The following RAD54L variants were observed in gnomAD, a reference collection of about 807,000 sequenced individuals.
RAD54L encodes the protein DNA repair and recombination protein RAD54-like.
Under a neutral mutation model 91.6 loss-of-function variants are expected in RAD54L, and 74 were observed. That is an observed-to-expected ratio of 0.81 (90% CI 0.67 to 0.98). RAD54L has a LOEUF of 0.98. Ranked by LOEUF, RAD54L falls within the 50% of genes least tolerant of loss-of-function variation. The pLI is 0.00. For missense variants in RAD54L, 887 were observed against 945.7 expected, an observed-to-expected ratio of 0.94 and a Z score of 0.81; for synonymous variants, 304 against 349.7, an observed-to-expected ratio of 0.87 and a Z score of 1.46.
Position 46,248,016 on chromosome 1 carries a change from G to T in RAD54L, c.-390G>T, listed in dbSNP as rs1197398651. 1.1e-5 allele frequency: 4 copies of T among 352,316 alleles called. No individual in the cohort carries two copies. The highest frequency in any genetic ancestry group is 6.4e-5 in the African/African-American group (3 of 47,060). 21.8% of individuals were successfully genotyped at this position (352,316 alleles called of 1,614,324 possible). A position where few individuals can be genotyped will look rare whatever the true frequency, so the allele number is the denominator to read the frequency against. On this transcript the variant is annotated 5_prime_UTR_variant, in exon 1 of 18. Transcript: ENST00000371975. The stretch of plus-strand genomic sequence containing the variant: ...CACCCCAGCTTCTCTCTCCTGGCCA[G>T]TGATTACCCACCCCCAATCCCACCC...
At position 46,263,786 on chromosome 1, in the gene RAD54L, T is replaced by C. The variant is rs1421425106; in HGVS notation, c.891+2401T>C. Among the ~76,000 whole-genome samples, 1 of 152,048 alleles carries C rather than the reference T, an allele frequency of 6.6e-6. No homozygotes were observed. The highest frequency in any genetic ancestry group is 1.5e-5 in the Non-Finnish European group (1 of 67,992). On this transcript the variant is annotated intron_variant, in intron 8 of 17. Transcript: ENST00000371975. The surrounding 1 kb of genome is among the most constrained non-coding windows in gnomAD (Gnocchi z 4.3). ...GAGCCTTTGAGGATTAGGGAGCATC[T>C]AAATTTTTTTCTACTTTTTGTTTTT...
chr1:46,270,876 G>T lies in RAD54L; in HGVS notation c.1169+91G>T, dbSNP rs779684020. ...CTTTGCCTCTCTAGAGCCCTCAAAG[G>T]CTGGGATTCTAGGAAGGGAGTGGGT... On this transcript the variant is annotated intron_variant, in intron 10 of 17. Coordinates refer to ENST00000371975, the MANE Select transcript of RAD54L (RefSeq NM_003579.4). The T allele has an allele frequency of 1.7e-5, 26 of 1,564,556 alleles. No individual in the cohort carries two copies. The South Asian group carries it at 2.7e-4, about 16-fold the overall frequency.
At chr1:46,262,651 C>G (rs971328250) in intron 8 of RAD54L, among the ~76,000 whole-genome samples, 3 of 151,914 alleles carry the variant, frequency 2.0e-5, no homozygotes, top group Non-Finnish European at 2.9e-5. Flanking sequence ...GTCTTTGTCC[C>G]CTGCTTGTAA....
rs553063964 is a variant in RAD54L at position 46,272,774 on chromosome 1, C to G, written c.1347C>G (p.Ser449=). ...AGATGAGTGTGTCTTCCCTTTCTTC[C>G]ATCACCTCGCTAAAGAAGCTTTGTA... ...EGKMSVSSLS[S]ITSLKKLCNH... is the part of the protein sequence containing the mutation. The change falls in exon 12 of 18, where the codon TCC becomes TCG. Residue 449 remains serine (S), a synonymous_variant. Coordinates refer to ENST00000371975, the MANE Select transcript of RAD54L (RefSeq NM_003579.4). 1 of 1,614,178 alleles carries G rather than the reference C, an allele frequency of 6.2e-7. No homozygotes were observed. Among genetic ancestry groups the G allele is most frequent in the African/African-American group, 1.3e-5 (1 of 75,036 alleles).
chr1:46,266,022 C>T (rs4660918), intron 8 of RAD54L, among the ~76,000 whole-genome samples: 109,476 of 152,064 alleles, frequency 0.72, 39,685 homozygotes, highest in Middle Eastern at 0.81. Flanking sequence ...GCAGCCATTA[C>T]GTATATAGTG....
rs1458468946 is a variant in RAD54L, at chr1:46,273,676, T to G, written c.1539T>G (p.Ser513Arg). The G allele has an allele frequency of 1.9e-6, 3 of 1,614,036 alleles. 1 individual carries two copies. In the South Asian group the frequency reaches 3.3e-5, roughly 18 times the overall value. ...YILAVTRSRS[S>R]DKVVLVSNYT... ...TGGCGGTGACCCGAAGCCGTAGCAG[T>G]GACAAAGTAGTGCTGGTGTCGAATT... Residue 513 changes from serine to arginine, a missense_variant, in exon 14 of 18, where the codon AGT (serine) becomes AGG (arginine). Physicochemically the swap from Ser to Arg is moderately radical, Grantham distance 110. Transcript: ENST00000371975.
Position 46,277,894 on chromosome 1 carries a change from G to C in RAD54L, c.1947G>C (p.Glu649Asp). Residue 649 changes from glutamate (E) to aspartate (D), a missense_variant, in exon 17 of 18, where the codon GAG becomes GAC. Transcript: ENST00000371975. ...TGAGCAGCTGTGTGGTGGATGAGGA[G>C]CAGGATGTAGAGCGCCACTTCTCTC... Reference protein sequence around the residue: ...KALSSCVVDEEQDVERHFSLG... With the variant: ...KALSSCVVDEDQDVERHFSLG... 2 of 1,614,096 alleles carry C rather than the reference G, an allele frequency of 1.2e-6. No individual in the cohort carries two copies. Among genetic ancestry groups the C allele is most frequent in the Non-Finnish European group, 1.7e-6 (2 of 1,180,022 alleles).
intron 9 of RAD54L, among the ~76,000 whole-genome samples, chr1:46,268,936 T>C (rs1557705365): frequency 1.3e-5 from 2 of 152,170 alleles, no homozygotes; most frequent in African/African-American, 4.8e-5. Flanking sequence ...TGGCTAACTT[T>C]TAAATTTTTT....
intron 5 of RAD54L, 43 bp downstream of exon 5, chr1:46,260,142 T>C: frequency 6.2e-7 from 1 of 1,613,022 alleles, no homozygotes; most frequent in Non-Finnish European, 8.5e-7. Context: ...GTTCTCTGTA[T>C]ATGCACGCAT....
intron 4 of RAD54L, 58 bp from the exon 5 acceptor site, chr1:46,259,906 G>C: frequency 6.2e-7 from 1 of 1,611,628 alleles, no homozygotes; most frequent in African/African-American, 1.3e-5. Flanking sequence ...TATTTGAGCT[G>C]GGCTTGCTGG....
intron 15 of RAD54L, 86 bp downstream of exon 15, chr1:46,274,302 A>ATTTT: frequency 8.5e-7 from 1 of 1,182,014 alleles, no homozygotes; most frequent in African/African-American, 1.6e-5. Context: ...GGTTACCTTG[A>ATTTT]TTTTTTTTTT....
At chr1:46,270,363 G>GA (rs879642641) in intron 9 of RAD54L, among the ~76,000 whole-genome samples, 66 of 143,612 alleles carry the variant, frequency 4.6e-4, no homozygotes, top group East Asian at 3.7e-3. Flanking sequence ...TCCATTGCAG[G>GA]AAAAAAAAAA....
chr1:46,260,112 G>C lies in RAD54L; in HGVS notation c.407+13G>C, dbSNP rs1660066999. The C allele has an allele frequency of 6.2e-7, 1 of 1,614,066 alleles. No individual in the cohort carries two copies. ...TGAAGCTTGACAAGTATGTGCACTG[G>C]TATTTCATAAGCAGTTTTGGTTCTC... On this transcript the variant is annotated intron_variant, in intron 5 of 17. Transcript: ENST00000371975.
At chr1:46,261,095 G>A (rs908285399) in intron 7 of RAD54L, 80 bp downstream of exon 7, 9 of 1,565,014 alleles carry the variant, frequency 5.8e-6, no homozygotes, top group Middle Eastern at 2.2e-4. Context: ...TTATGGCCAG[G>A]GTGGAGGGCA....
intron 3 of RAD54L, 27 bp from the exon 4 acceptor site, chr1:46,258,659 G>A (rs927824519): frequency 1.9e-6 from 3 of 1,559,336 alleles, no homozygotes; most frequent in Non-Finnish European, 2.7e-6. Flanking sequence ...AGTCAGTCCT[G>A]AATCCTTGTT....
chr1:46,264,129 C>T (rs1660204402), intron 8 of RAD54L, among the ~76,000 whole-genome samples: 2 of 152,174 alleles, frequency 1.3e-5, no homozygotes, highest in South Asian at 2.1e-4. Flanking sequence ...TTCTTCCCCA[C>T]TCTGTCCTGT....
At chr1:46,252,706 G>A (rs546744755) in intron 3 of RAD54L, among the ~76,000 whole-genome samples, 1 of 152,100 alleles carries the variant, frequency 6.6e-6, no homozygotes, top group Non-Finnish European at 1.5e-5. Flanking sequence ...GAAGTTCAAT[G>A]TATTATACAA....
At chr1:46,268,520 C>T (rs1449872397) in intron 9 of RAD54L, among the ~76,000 whole-genome samples, 1 of 152,184 alleles carries the variant, frequency 6.6e-6, no homozygotes, top group Non-Finnish European at 1.5e-5. Context: ...AACACTCTCT[C>T]AGCAGCCCCT....
rs747712589 is a variant in RAD54L at position 46,260,943 on chromosome 1, A to G, written c.694A>G (p.Lys232Glu). 1.2e-6 allele frequency: 2 copies of G among 1,614,150 alleles called. No homozygotes were observed. Among genetic ancestry groups the G allele is most frequent in the East Asian group, 4.5e-5 (2 of 44,884 alleles). Residue 232 changes from lysine to glutamate, a missense_variant, in exon 7 of 18, where the codon AAA becomes GAA. Physicochemically the swap from Lys to Glu is moderately conservative, Grantham distance 56 (BLOSUM62 1). Transcript: ENST00000371975. ...LVKNWYNEVG[K>E]WLGGRIQPLA... ...GAAGAACTGGTACAATGAGGTTGGG[A>G]AATGGCTCGGAGGGAGGATCCAACC...
Sources: gnomAD v4.1 joint callset for allele counts (sites outside exome capture counted in the v4.1 genomes callset) on GRCh38, gnomAD v4.1.1 for gene constraint, Gnocchi (gnomAD v3.1) non-coding constraint, MANE v1.5 for transcripts, NCBI Gene and HGNC (gene_info 2026-07-23, HGNC 2026-07-21) for gene names.